The following CHCHD3 variants were observed in gnomAD, a reference collection of about 807,000 sequenced individuals.
CHCHD3 encodes the protein coiled-coil-helix-coiled-coil-helix domain containing 3.
In CHCHD3, 20 loss-of-function variants were observed where a neutral mutation model predicts 38.2. That is an observed-to-expected ratio of 0.52 (90% CI 0.37 to 0.76). The LOEUF (loss-of-function observed/expected upper bound fraction) is 0.76, where lower values mean the gene tolerates loss of function less well. CHCHD3 is among the 30% of genes least tolerant of loss of function. CHCHD3 has a pLI of 0.00. For synonymous variants in CHCHD3, 82 were observed against 100.0 expected (o/e 0.82, Z 1.07); for missense variants, 245 against 279.2 (o/e 0.88, Z 0.87).
intron 3 of CHCHD3, among the ~76,000 whole-genome samples, chr7:133,019,898 G>A (rs1047419018): frequency 7.2e-5 from 11 of 152,152 alleles, no homozygotes. Flanking sequence ...TACTCAAACT[G>A]TAGCATATTA....
At chr7:132,871,533 A>G (rs1434921616) in intron 5 of CHCHD3, among the ~76,000 whole-genome samples, 2 of 152,200 alleles carry the variant, frequency 1.3e-5, no homozygotes, top group Non-Finnish European at 2.9e-5. Context: ...AGATAAGCAG[A>G]CAAATCTTCT....
chr7:132,883,637 C>T (rs2117172040), intron 5 of CHCHD3, among the ~76,000 whole-genome samples: 1 of 152,326 alleles, frequency 6.6e-6, no homozygotes, highest in South Asian at 2.1e-4. Context: ...CAGAGCCACA[C>T]TCATTCATTT....
rs73724129 is a variant in CHCHD3 at position 132,952,600 on chromosome 7, G to A, written c.369+22569C>T. Among the ~76,000 whole-genome samples, 1,300 of 152,338 alleles carry A rather than the reference G, an allele frequency of 8.5e-3. 24 individuals carry two copies. Among genetic ancestry groups the A allele is most frequent in the African/African-American group, 0.03 (1,241 of 41,574 alleles). On this transcript the variant is annotated intron_variant, in intron 4 of 7. Coordinates refer to ENST00000262570, the MANE Select transcript of CHCHD3 (RefSeq NM_017812.4). ...AAAGTACTCAAGCCAGTCTTGAATA[G>A]AGAGATGAGCAGTTCACTTTCATAC...
At chr7:133,057,533 G>A (rs1220213366) in intron 2 of CHCHD3, among the ~76,000 whole-genome samples, 1 of 152,006 alleles carries the variant, frequency 6.6e-6, no homozygotes, top group African/African-American at 2.4e-5. Context: ...TAGCACTCCA[G>A]CTAGGGTGAT....
chr7:133,052,150 A>T (rs1814187368), intron 2 of CHCHD3: 1 of 152,252 alleles, frequency 6.6e-6, no homozygotes, highest in Non-Finnish European at 1.5e-5. Flanking sequence ...ATGGTGACTC[A>T]GGGCTGGCTG....
intron 5 of CHCHD3, among the ~76,000 whole-genome samples, chr7:132,882,754 T>A (rs951109349): frequency 6.6e-6 from 1 of 152,122 alleles, no homozygotes; most frequent in Non-Finnish European, 1.5e-5. Flanking sequence ...CCTAACATAG[T>A]AAAACCTGAT....
intron 2 of CHCHD3, among the ~76,000 whole-genome samples, chr7:133,068,974 T>C (rs1814746006): frequency 6.6e-6 from 1 of 151,996 alleles, no homozygotes; most frequent in Admixed American, 6.6e-5. Context: ...GCTAGAGATA[T>C]AATTTTGGGA....
chr7:132,801,545 C>T (rs1806794797), intron 6 of CHCHD3, among the ~76,000 whole-genome samples: 1 of 152,044 alleles, frequency 6.6e-6, no homozygotes, highest in African/African-American at 2.4e-5. Flanking sequence ...TGTTTTCTAC[C>T]ATCACAACAC....
chr7:133,049,341 T>C (rs1406317169), intron 2 of CHCHD3, among the ~76,000 whole-genome samples: 1 of 152,220 alleles, frequency 6.6e-6, no homozygotes, highest in Admixed American at 6.5e-5. Flanking sequence ...TTATCCACAA[T>C]AGAGCTTCTA....
At chr7:132,984,446 C>G (rs10218602) in intron 3 of CHCHD3, among the ~76,000 whole-genome samples, 51,713 of 135,352 alleles carry the variant, frequency 0.38, 7,666 homozygotes, top group East Asian at 0.45. Context: ...GCCTTGGCCC[C>G]GCAAAGTGCC....
At chr7:133,022,612 A>C (rs894779318) in intron 3 of CHCHD3, 6 of 384,490 alleles carry the variant, frequency 1.6e-5, no homozygotes, top group Non-Finnish European at 2.5e-5. Flanking sequence ...AGGAGGCTTC[A>C]AACAAAACTT....
At chr7:132,805,488 T>C (rs1033268019) in intron 6 of CHCHD3, among the ~76,000 whole-genome samples, 1 of 151,754 alleles carries the variant, frequency 6.6e-6, no homozygotes, top group Non-Finnish European at 1.5e-5. Context: ...ACTCAGGTTG[T>C]AGTAGAGGGT....
intron 5 of CHCHD3, among the ~76,000 whole-genome samples, chr7:132,858,079 T>C (rs1808388394): frequency 6.6e-6 from 1 of 152,136 alleles, no homozygotes; most frequent in African/African-American, 2.4e-5. Context: ...TTTGTTGTTG[T>C]TGAGACTGAA....
In CHCHD3 at chr7:132,785,355, C is replaced by A. The variant is rs564519204; in HGVS notation, c.*282G>T. 38 of 430,690 alleles carry A rather than the reference C, an allele frequency of 8.8e-5. No homozygotes were observed. The South Asian group carries it at 1.1e-3, about 12-fold the overall frequency. The allele number at this position is 430,690 out of a possible 1,614,324, so 26.7% of individuals were successfully genotyped here. On this transcript the variant is annotated 3_prime_UTR_variant, in exon 8 of 8. Transcript: ENST00000262570. ...GTCAGTGCAAGTTGAATAGAAAGTA[C>A]CAAAAGGTGGAGAGGGCTGCCCTTC...
chr7:133,026,009 G>A (rs1325343044), intron 2 of CHCHD3, among the ~76,000 whole-genome samples: 1 of 152,182 alleles, frequency 6.6e-6, no homozygotes, highest in East Asian at 1.9e-4. Flanking sequence ...TCAGAAGGAT[G>A]ACTTCCCTTA....
chr7:133,030,239 T>C (rs548385769), intron 2 of CHCHD3, among the ~76,000 whole-genome samples: 28 of 152,162 alleles, frequency 1.8e-4, no homozygotes, highest in African/African-American at 6.5e-4. Flanking sequence ...TTTAAATCAA[T>C]AGAATACATA....
At chr7:132,887,841 G>C (rs943487426) in intron 4 of CHCHD3, among the ~76,000 whole-genome samples, 1 of 151,786 alleles carries the variant, frequency 6.6e-6, no homozygotes, top group East Asian at 1.9e-4. Flanking sequence ...TACACTGCTG[G>C]TCAGAATATA....
At chr7:132,901,715 G>T (rs1324382890) in intron 4 of CHCHD3, among the ~76,000 whole-genome samples, 1 of 152,124 alleles carries the variant, frequency 6.6e-6, no homozygotes, top group Non-Finnish European at 1.5e-5. Context: ...CTGGATATTA[G>T]CCCTTTGTCA....
intron 3 of CHCHD3, among the ~76,000 whole-genome samples, chr7:132,983,099 A>G (rs1033337259): frequency 1.3e-5 from 2 of 152,100 alleles, no homozygotes; most frequent in African/African-American, 4.8e-5. Flanking sequence ...AGACGGGTGG[A>G]TTACCTGAGG....
Sources: gnomAD v4.1 joint callset for allele counts (sites outside exome capture counted in the v4.1 genomes callset) on GRCh38, gnomAD v4.1.1 for gene constraint, MANE v1.5 for transcripts, NCBI Gene and HGNC (gene_info 2026-07-23, HGNC 2026-07-21) for gene names.